The following CTNNBIP1 variants were observed in gnomAD, a reference collection of about 807,000 sequenced individuals.
CTNNBIP1 encodes the protein catenin beta interacting protein 1.
CTNNBIP1 carries 7 observed loss-of-function variants against 11.8 expected under a neutral mutation model. The observed-to-expected ratio is 0.60, with a 90% CI of 0.34 to 1.12. The LOEUF (loss-of-function observed/expected upper bound fraction) is 1.12, where lower values mean the gene tolerates loss of function less well. Ranked by LOEUF, CTNNBIP1 falls within the 50% of genes most tolerant of loss-of-function variation. The probability of loss-of-function intolerance (pLI) is 0.03; values close to 1 mark genes in which losing one functional copy is unlikely to be tolerated. For missense variants in CTNNBIP1, 101 were observed against 113.4 expected, an observed-to-expected ratio of 0.89 and a Z score of 0.50; for synonymous variants, 58 against 43.9, an observed-to-expected ratio of 1.32 and a Z score of -1.26.
chr1:9,899,763 AAAAG>A lies in CTNNBIP1; in HGVS notation c.-144+10328_-144+10331del, dbSNP rs58501900. Among the ~76,000 whole-genome samples the A allele has an allele frequency of 1.0e-2, 1,501 of 150,564 alleles. 26 individuals carry two copies. The highest frequency in any genetic ancestry group is 0.033 in the African/African-American group (1,363 of 40,738). ...ACAGAGCAAGGCTCCGTCTCAAAAA[AAAAG>A]AAAGAAAGAAAGAAAGAAAGAAATG... is the stretch of plus-strand genomic sequence containing the variant. On this transcript the variant is annotated intron_variant, in intron 1 of 5. Transcript: ENST00000377263.
intron 2 of CTNNBIP1, among the ~76,000 whole-genome samples, chr1:9,879,933 C>G (rs1231093481): frequency 6.6e-6 from 1 of 152,064 alleles, no homozygotes; most frequent in South Asian, 2.1e-4. Context: ...TTTTGCTAAC[C>G]AAACAGCAGC....
At chr1:9,891,398 T>C (rs1374683785) in intron 1 of CTNNBIP1, among the ~76,000 whole-genome samples, 1 of 152,190 alleles carries the variant, frequency 6.6e-6, no homozygotes, top group Non-Finnish European at 1.5e-5. Flanking sequence ...AAAGCCTCTA[T>C]AATTGGTTCA....
intron 1 of CTNNBIP1, among the ~76,000 whole-genome samples, chr1:9,895,108 C>A (rs186209411): frequency 6.6e-6 from 1 of 151,228 alleles, no homozygotes; most frequent in Non-Finnish European, 1.5e-5. Context: ...AGGGTTTCAC[C>A]GTGTTAGCCA....
At chr1:9,903,986 T>G (rs918372964) in intron 1 of CTNNBIP1, among the ~76,000 whole-genome samples, 3 of 152,218 alleles carry the variant, frequency 2.0e-5, no homozygotes, top group African/African-American at 7.2e-5. Flanking sequence ...AGGCCTCAGC[T>G]TCTTAACATA....
At chr1:9,854,087 C>T (rs1053253139) in intron 5 of CTNNBIP1, among the ~76,000 whole-genome samples, 1 of 152,118 alleles carries the variant, frequency 6.6e-6, no homozygotes, top group Non-Finnish European at 1.5e-5. Flanking sequence ...TAAAACCACT[C>T]AACAAGGCCA....
chr1:9,888,511 C>T (rs1254298395), intron 1 of CTNNBIP1, among the ~76,000 whole-genome samples: 1 of 151,462 alleles, frequency 6.6e-6, no homozygotes, highest in Admixed American at 6.6e-5. Context: ...GAGATCGCGC[C>T]ACTGCACTCC....
chr1:9,868,348 C>T (rs778977251), intron 5 of CTNNBIP1, among the ~76,000 whole-genome samples: 10 of 152,212 alleles, frequency 6.6e-5, no homozygotes, highest in Non-Finnish European at 1.5e-4. Context: ...ACTCCACGGC[C>T]CACACAGTTG....
chr1:9,896,478 C>T (rs1639410248), intron 1 of CTNNBIP1, among the ~76,000 whole-genome samples: 2 of 152,194 alleles, frequency 1.3e-5, no homozygotes, highest in Admixed American at 1.3e-4. Context: ...GCAGGCAGAT[C>T]ACCTGAGGTC....
Position 9,871,137 on chromosome 1 carries a change from G to A in CTNNBIP1, c.187+50C>T. 1 of 1,367,472 alleles carries A rather than the reference G, an allele frequency of 7.3e-7. No homozygotes were observed. The highest frequency in any genetic ancestry group is 1.0e-6 in the Non-Finnish European group (1 of 992,106). 84.7% of individuals were successfully genotyped at this position (1,367,472 alleles called of 1,614,324 possible). A position where few individuals can be genotyped will look rare whatever the true frequency, so the allele number is the denominator to read the frequency against. On this transcript the variant is annotated intron_variant, in intron 5 of 5. Coordinates refer to ENST00000377263, the MANE Select transcript of CTNNBIP1 (RefSeq NM_020248.3). The surrounding 1 kb of genome is among the most constrained non-coding windows in gnomAD (Gnocchi z 5.2). ...CGCTTTCTAAGGGAACCACAAGTCG[G>A]TGCCCCTGGGACTTGTGCCACTGCC...
At chr1:9,891,921 C>T (rs1257357803) in intron 1 of CTNNBIP1, among the ~76,000 whole-genome samples, 2 of 151,494 alleles carry the variant, frequency 1.3e-5, no homozygotes, top group East Asian at 3.9e-4. Context: ...CCTGCCTCGG[C>T]CTCCCGAGTA....
At chr1:9,888,887 A>G (rs1639240951) in intron 1 of CTNNBIP1, among the ~76,000 whole-genome samples, 1 of 152,218 alleles carries the variant, frequency 6.6e-6, no homozygotes, top group Non-Finnish European at 1.5e-5. Flanking sequence ...AGGTTCTGGG[A>G]GCATTTAAAT....
At chr1:9,901,846 C>T (rs1294250096) in intron 1 of CTNNBIP1, among the ~76,000 whole-genome samples, 1 of 152,196 alleles carries the variant, frequency 6.6e-6, no homozygotes, top group Non-Finnish European at 1.5e-5. Context: ...ACCGGGAGTG[C>T]CACATACAGT....
intron 1 of CTNNBIP1, among the ~76,000 whole-genome samples, chr1:9,892,551 C>G (rs1177930423): frequency 6.6e-6 from 1 of 151,410 alleles, no homozygotes; most frequent in Non-Finnish European, 1.5e-5. Context: ...TATGATCACA[C>G]CACTGCACCC....
In CTNNBIP1 at chr1:9,900,451, T is replaced by G. The variant is rs891056780; in HGVS notation, c.-144+9644A>C. Among the ~76,000 whole-genome samples the G allele has an allele frequency of 7.9e-5, 12 of 152,206 alleles. No individual in the cohort carries two copies. In the East Asian group the frequency reaches 2.1e-3, roughly 27 times the overall value. On this transcript the variant is annotated intron_variant, in intron 1 of 5. Transcript: ENST00000377263. ...AGAACACCCTTCATCTGAGTGCTCT[T>G]GCCAGTGCAGTGCGGTGCCTGACGC... is the stretch of plus-strand genomic sequence containing the variant.
In CTNNBIP1 at chr1:9,886,056, T is replaced by C. The variant is rs1475342474; in HGVS notation, c.-143-2318A>G. Among the ~76,000 whole-genome samples the C allele has an allele frequency of 2.6e-5, 4 of 151,638 alleles. No homozygotes were observed. The East Asian group carries it at 7.7e-4, about 29-fold the overall frequency. The stretch of plus-strand genomic sequence containing the variant: ...GACACAGACCATGTAAGTAAATGCT[T>C]TTTGTTACAGTATGGGGGATGGGAG... On this transcript the variant is annotated intron_variant, in intron 1 of 5. Coordinates refer to ENST00000377263, the MANE Select transcript of CTNNBIP1 (RefSeq NM_020248.3).
intron 1 of CTNNBIP1, among the ~76,000 whole-genome samples, chr1:9,909,693 G>A (rs990383115): frequency 6.6e-6 from 1 of 152,138 alleles, no homozygotes; most frequent in African/African-American, 2.4e-5. Context: ...AACTACAGAG[G>A]GAGGAAGGGC....
rs747903772 is a variant in CTNNBIP1 at position 9,851,616 on chromosome 1, C to A, written c.188-840G>T. 2.6e-5 allele frequency among the ~76,000 whole-genome samples: 4 copies of A among 152,170 alleles called. No homozygotes were observed. Among genetic ancestry groups the A allele is most frequent in the Admixed American group, 2.0e-4 (3 of 15,284 alleles). On this transcript the variant is annotated intron_variant, in intron 5 of 5. Transcript: ENST00000377263. The surrounding 1 kb of genome is among the most constrained non-coding windows in gnomAD (Gnocchi z 4.8). The stretch of plus-strand genomic sequence containing the variant: ...TCAAACTCCTGACCTCATGATCCAC[C>A]CACCTCGGCCTCCCAAAGTGCTGGG...
In CTNNBIP1 at chr1:9,910,221, G is replaced by C. The variant is rs1378515512; in HGVS notation, c.-270C>G. ...CGGCGGCAGTAGCAGCAGCAGGAGC[G>C]GCCGCCTCAGCCTCCGCCTCCCGCT... is the stretch of plus-strand genomic sequence containing the variant. On this transcript the variant is annotated 5_prime_UTR_variant, in exon 1 of 6. Transcript: ENST00000377263. The C allele has an allele frequency of 6.8e-6, 1 of 147,372 alleles. No individual in the cohort carries two copies. The highest frequency in any genetic ancestry group is 1.5e-5 in the Non-Finnish European group (1 of 66,104). The allele number at this position is 147,372 out of a possible 1,614,324, so 9.1% of individuals were successfully genotyped here. A position where few individuals can be genotyped will look rare whatever the true frequency, so the allele number is the denominator to read the frequency against.
chr1:9,885,644 TAAAA>T (rs528856859), intron 1 of CTNNBIP1, among the ~76,000 whole-genome samples: 3 of 133,824 alleles, frequency 2.2e-5, no homozygotes, highest in South Asian at 4.8e-4. Flanking sequence ...ACCCTGTCTC[TAAAA>T]AAAAAAAAAA....
Sources: gnomAD v4.1 joint callset for allele counts (sites outside exome capture counted in the v4.1 genomes callset) on GRCh38, gnomAD v4.1.1 for gene constraint, Gnocchi (gnomAD v3.1) non-coding constraint, MANE v1.5 for transcripts, NCBI Gene and HGNC (gene_info 2026-07-23, HGNC 2026-07-21) for gene names.